The following FOXP1 variants were observed in gnomAD, a reference collection of about 807,000 sequenced individuals.
FOXP1 encodes the protein forkhead box protein P1.
FOXP1 carries 15 observed loss-of-function variants against 98.2 expected under a neutral mutation model. The observed-to-expected ratio is 0.15, with a 90% CI of 0.10 to 0.24. FOXP1 has a LOEUF of 0.24. Ranked by LOEUF, FOXP1 falls within the 10% of genes least tolerant of loss-of-function variation. The pLI is 1.00. For synonymous variants in FOXP1, 371 were observed against 314.5 expected, an observed-to-expected ratio of 1.18 and a Z score of -1.90; for missense variants, 633 against 848.5, an observed-to-expected ratio of 0.75 and a Z score of 3.15.
At chr3:71,121,321 G>C (rs1359362813) in intron 6 of FOXP1, among the ~76,000 whole-genome samples, 1 of 149,060 alleles carries the variant, frequency 6.7e-6, no homozygotes, top group African/African-American at 2.5e-5. Context: ...GGCACGTACA[G>C]GATACTTCCC....
chr3:71,063,779 GGTTT>G lies in FOXP1; in HGVS notation c.283-10010_283-10007del, dbSNP rs1356110776. 9.9e-5 allele frequency among the ~76,000 whole-genome samples: 15 copies of G among 152,220 alleles called. No individual in the cohort carries two copies. The East Asian group carries it at 1.2e-3, about 12-fold the overall frequency. On this transcript the variant is annotated intron_variant, in intron 7 of 20. Transcript: ENST00000649528. Reference sequence around the variant, plus strand: ...TAAAATTGGTTTGATTAGAACATTTGGTTTGTTTGGACAAAAATATAAAATTACT... The same window carrying G: ...TAAAATTGGTTTGATTAGAACATTTGGTTTGGACAAAAATATAAAATTACT...
In FOXP1 at chr3:71,320,722, A is replaced by G. The variant is rs116581418; in HGVS notation, c.-72-20842T>C. Among the ~76,000 whole-genome samples the G allele has an allele frequency of 9.4e-3, 1,429 of 152,312 alleles. 25 individuals carry two copies. The highest frequency in any genetic ancestry group is 0.033 in the African/African-American group (1,365 of 41,570). ...GAATGAATAAAGTAAAAGCTGATGA[A>G]TTTCAGTAAACAACGTTAACGGCAA... On this transcript the variant is annotated intron_variant, in intron 4 of 20. Transcript: ENST00000649528.
At chr3:71,322,028 G>T (rs2075418825) in intron 4 of FOXP1, among the ~76,000 whole-genome samples, 2 of 152,200 alleles carry the variant, frequency 1.3e-5, no homozygotes, top group African/African-American at 4.8e-5. Context: ...TCAGATGTGA[G>T]AATATGTGTT....
chr3:70,991,611 C>G (rs1488033244), intron 13 of FOXP1, among the ~76,000 whole-genome samples: 1 of 152,152 alleles, frequency 6.6e-6, no homozygotes, highest in Non-Finnish European at 1.5e-5. Flanking sequence ...AAACAAAACT[C>G]TGCTGAAATA....
rs987246122 is a variant in FOXP1, at chr3:71,478,048, A to G, written c.-168+15378T>C. 3.9e-5 allele frequency among the ~76,000 whole-genome samples: 6 copies of G among 152,356 alleles called. No homozygotes were observed. In the South Asian group the frequency reaches 1.2e-3, roughly 32 times the overall value. ...TGGTTAAAGTTCTACTCTCAAAAAA[A>G]TCTTTAAAAGTTGGCAAAACATTCA... On this transcript the variant is annotated intron_variant, in intron 3 of 20. Coordinates refer to ENST00000649528, the MANE Select transcript of FOXP1 (RefSeq NM_001349338.3).
intron 7 of FOXP1, among the ~76,000 whole-genome samples, chr3:71,064,331 T>G (rs2107317739): frequency 6.6e-6 from 1 of 152,276 alleles, no homozygotes; most frequent in Non-Finnish European, 1.5e-5. Flanking sequence ...TCCTTGTATA[T>G]TTCACACGCT....
chr3:71,062,864 T>C (rs141132830), intron 7 of FOXP1, among the ~76,000 whole-genome samples: 1 of 152,336 alleles, frequency 6.6e-6, no homozygotes, highest in African/African-American at 2.4e-5. Flanking sequence ...GACGCTGGTA[T>C]TGACCCATAC....
chr3:71,030,753 T>A (rs1015957680), intron 11 of FOXP1, among the ~76,000 whole-genome samples: 1 of 152,192 alleles, frequency 6.6e-6, no homozygotes, highest in African/African-American at 2.4e-5. Flanking sequence ...GTCTGTACAG[T>A]CCTCTAATTT....
chr3:71,065,273 G>C (rs1366485409), intron 7 of FOXP1, among the ~76,000 whole-genome samples: 1 of 152,074 alleles, frequency 6.6e-6, no homozygotes, highest in Admixed American at 6.5e-5. Context: ...CGGGGCTGCC[G>C]GCGGGGCGGC....
At chr3:71,144,460 A>G (rs572436987) in intron 6 of FOXP1, among the ~76,000 whole-genome samples, 1 of 152,298 alleles carries the variant, frequency 6.6e-6, no homozygotes, top group East Asian at 1.9e-4. Context: ...TGCGTGTGCT[A>G]GAGTCTCCAC....
intron 3 of FOXP1, among the ~76,000 whole-genome samples, chr3:71,484,774 G>A (rs2090532228): frequency 6.6e-6 from 1 of 152,152 alleles, no homozygotes; most frequent in South Asian, 2.1e-4. Context: ...CCGAAAGTCT[G>A]TATTTAATGC....
At chr3:71,403,446 C>G (rs573683874) in intron 3 of FOXP1, among the ~76,000 whole-genome samples, 2 of 152,308 alleles carry the variant, frequency 1.3e-5, no homozygotes, top group African/African-American at 4.8e-5. Context: ...AAGATTTGGA[C>G]TGGGATTAAA....
chr3:71,056,550 G>A (rs1412168665), intron 7 of FOXP1, among the ~76,000 whole-genome samples: 2 of 152,200 alleles, frequency 1.3e-5, no homozygotes, highest in Non-Finnish European at 2.9e-5. Flanking sequence ...AGAGGCCTGA[G>A]TAATCCTCCA....
intron 3 of FOXP1, among the ~76,000 whole-genome samples, chr3:71,467,550 C>T (rs2088897456): frequency 6.6e-6 from 1 of 152,160 alleles, no homozygotes; most frequent in Non-Finnish European, 1.5e-5. Context: ...TCAGCCATGC[C>T]ACGACAGCTC....
chr3:71,227,270 A>G (rs1469056860), intron 5 of FOXP1, among the ~76,000 whole-genome samples: 4 of 152,046 alleles, frequency 2.6e-5, no homozygotes, highest in Non-Finnish European at 5.9e-5. Context: ...CGGAACACAA[A>G]TAGCGTTTAC....
intron 5 of FOXP1, among the ~76,000 whole-genome samples, chr3:71,268,870 C>T (rs1375993624): frequency 6.6e-6 from 1 of 152,148 alleles, no homozygotes; most frequent in Admixed American, 6.5e-5. Context: ...GCTTCCTGTG[C>T]CCACTGAGCC....
intron 6 of FOXP1, among the ~76,000 whole-genome samples, chr3:71,167,951 G>C (rs2061469830): frequency 1.3e-5 from 2 of 152,124 alleles, no homozygotes; most frequent in Non-Finnish European, 2.9e-5. Context: ...TTCAGATAAA[G>C]CATGTCCAAA....
chr3:71,261,542 A>AT (rs888815940), intron 5 of FOXP1, among the ~76,000 whole-genome samples: 15 of 151,968 alleles, frequency 9.9e-5, no homozygotes, highest in East Asian at 7.7e-4. Context: ...AATTAACAAG[A>AT]TTTTTTTTTC....
chr3:71,421,454 A>T (rs969068269), intron 3 of FOXP1, among the ~76,000 whole-genome samples: 1 of 152,230 alleles, frequency 6.6e-6, no homozygotes, highest in South Asian at 2.1e-4. Flanking sequence ...TTCAATAAGA[A>T]CACCAAAATC....
Sources: gnomAD v4.1 joint callset for allele counts (sites outside exome capture counted in the v4.1 genomes callset) on GRCh38, gnomAD v4.1.1 for gene constraint, MANE v1.5 for transcripts, NCBI Gene and HGNC (gene_info 2026-07-23, HGNC 2026-07-21) for gene names.